ROBO2: variants seen among roughly 807,000 people sequenced by gnomAD.
The protein encoded by ROBO2 is roundabout homolog 2.
In ROBO2, 53 loss-of-function variants were observed where a neutral mutation model predicts 160.8. The observed-to-expected ratio is 0.33, with a 90% CI of 0.26 to 0.41. The LOEUF (loss-of-function observed/expected upper bound fraction) is 0.41. Ranked by LOEUF, ROBO2 falls within the 10% of genes least tolerant of loss-of-function variation. ROBO2 has a pLI of 1.00. For synonymous variants in ROBO2, 664 were observed against 611.7 expected (o/e 1.09, Z -1.26); for missense variants, 1,577 against 1,722.4 (o/e 0.92, Z 1.49).
intron 2 of ROBO2, among the ~76,000 whole-genome samples, chr3:77,399,961 G>T (rs1301094928): frequency 1.3e-5 from 2 of 152,044 alleles, no homozygotes; most frequent in Non-Finnish European, 2.9e-5. Flanking sequence ...CGTTGCCTTG[G>T]GCTAGGTTAA....
At chr3:77,335,039 G>A (rs920420103) in intron 2 of ROBO2, among the ~76,000 whole-genome samples, 1 of 152,142 alleles carries the variant, frequency 6.6e-6, no homozygotes, top group African/African-American at 2.4e-5. Context: ...TCTCTTCAAA[G>A]GTTGTTTAAG....
chr3:76,835,440 G>A (rs1164239328), intron 2 of ROBO2, among the ~76,000 whole-genome samples: 1 of 146,730 alleles, frequency 6.8e-6, no homozygotes, highest in Non-Finnish European at 1.5e-5. Flanking sequence ...AACATATAAT[G>A]TAATACATTA....
At chr3:77,523,040 CATT>C (rs974535466) in intron 6 of ROBO2, 138 bp downstream of exon 6, 44 of 914,822 alleles carry the variant, frequency 4.8e-5, no homozygotes, top group Non-Finnish European at 6.9e-5. Flanking sequence ...TCCTCTCTAT[CATT>C]AGTTGAAATA....
chr3:75,975,241 C>A (rs1282390677), intron 2 of ROBO2, among the ~76,000 whole-genome samples: 1 of 151,340 alleles, frequency 6.6e-6, no homozygotes, highest in Admixed American at 6.6e-5. Context: ...GCCACAGATA[C>A]AAATTTAAAC....
intron 2 of ROBO2, among the ~76,000 whole-genome samples, chr3:76,865,099 A>C (rs1259345889): frequency 6.6e-6 from 1 of 151,988 alleles, no homozygotes; most frequent in African/African-American, 2.4e-5. Flanking sequence ...CTTACAGACC[A>C]TTCTATTTCC....
intron 2 of ROBO2, among the ~76,000 whole-genome samples, chr3:76,240,020 G>C (rs925586554): frequency 1.3e-5 from 2 of 152,112 alleles, no homozygotes; most frequent in African/African-American, 2.4e-5. Context: ...CAAGGAGGGA[G>C]GTGGATATGG....
chr3:77,558,639 G>C (rs1213320985), intron 9 of ROBO2, among the ~76,000 whole-genome samples: 3 of 152,042 alleles, frequency 2.0e-5, no homozygotes, highest in African/African-American at 7.2e-5. Flanking sequence ...TTAAGTTGTT[G>C]TGTAGTTTAG....
At chr3:77,166,719 G>A (rs762608559) in intron 2 of ROBO2, among the ~76,000 whole-genome samples, 4 of 149,458 alleles carry the variant, frequency 2.7e-5, no homozygotes, top group South Asian at 2.1e-4. Context: ...CACCACTCCC[G>A]GCTAATTTTT....
intron 2 of ROBO2, among the ~76,000 whole-genome samples, chr3:76,214,130 C>T (rs1401911912): frequency 6.6e-6 from 1 of 152,090 alleles, no homozygotes; most frequent in Non-Finnish European, 1.5e-5. Flanking sequence ...ATTTGGCACC[C>T]ATACGCATCT....
chr3:77,294,140 A>G (rs1271904820), intron 2 of ROBO2, among the ~76,000 whole-genome samples: 2 of 144,724 alleles, frequency 1.4e-5, no homozygotes, highest in Non-Finnish European at 3.0e-5. Context: ...GACATAAAGT[A>G]AAATTGATGG....
chr3:76,900,413 C>T (rs1486961134), intron 2 of ROBO2, among the ~76,000 whole-genome samples: 1 of 152,108 alleles, frequency 6.6e-6, no homozygotes, highest in African/African-American at 2.4e-5. Context: ...TTTATCATTT[C>T]AGATGGTGTC....
At chr3:76,689,134 A>G (rs1430821750) in intron 2 of ROBO2, among the ~76,000 whole-genome samples, 1 of 152,136 alleles carries the variant, frequency 6.6e-6, no homozygotes, top group African/African-American at 2.4e-5. Flanking sequence ...ATAATTATAC[A>G]GCTTTGAATT....
At chr3:77,439,154 A>G (rs1440148064) in intron 2 of ROBO2, among the ~76,000 whole-genome samples, 2 of 152,066 alleles carry the variant, frequency 1.3e-5, no homozygotes, top group Non-Finnish European at 2.9e-5. Flanking sequence ...TGTTAATTAA[A>G]TAGACTAGAA....
chr3:76,739,332 G>A (rs925952466), intron 2 of ROBO2, among the ~76,000 whole-genome samples: 1 of 152,094 alleles, frequency 6.6e-6, no homozygotes, highest in Non-Finnish European at 1.5e-5. Context: ...CCTTTGTAGT[G>A]ACATGGATGA....
chr3:76,778,368 G>T (rs975443128), intron 2 of ROBO2, among the ~76,000 whole-genome samples: 4 of 151,096 alleles, frequency 2.6e-5, no homozygotes, highest in Admixed American at 6.6e-5. Flanking sequence ...TATGAGCAAA[G>T]GTTATGTGTT....
At chr3:77,608,592 A>C (rs898697134) in intron 21 of ROBO2, among the ~76,000 whole-genome samples, 2 of 152,156 alleles carry the variant, frequency 1.3e-5, no homozygotes, top group African/African-American at 4.8e-5. Context: ...TTCCTCTGTT[A>C]CTTTAAGCTT....
chr3:76,460,969 T>C (rs2078054761), intron 2 of ROBO2, among the ~76,000 whole-genome samples: 1 of 152,160 alleles, frequency 6.6e-6, no homozygotes, highest in Non-Finnish European at 1.5e-5. Context: ...AAGCCATGCA[T>C]CGATAAAATC....
chr3:76,135,458 T>C (rs188715168), intron 2 of ROBO2, among the ~76,000 whole-genome samples: 8 of 152,212 alleles, frequency 5.3e-5, no homozygotes, highest in Admixed American at 5.2e-4. Flanking sequence ...TACTTTTGTA[T>C]AATTTGTTAT....
chr3:77,216,533 C>T (rs1323724377), intron 2 of ROBO2, among the ~76,000 whole-genome samples: 11 of 152,292 alleles, frequency 7.2e-5, no homozygotes, highest in East Asian at 1.9e-4. Flanking sequence ...CTGGGTGAGG[C>T]GATGCCTCGC....
Sources: allele counts gnomAD v4.1 joint callset (sites outside exome capture counted in the v4.1 genomes callset), GRCh38; gene constraint gnomAD v4.1.1; transcripts MANE v1.5; gene names NCBI Gene and HGNC (gene_info 2026-07-23, HGNC 2026-07-21).